RCBTB2: variants seen among roughly 807,000 people sequenced by gnomAD.
The protein encoded by RCBTB2 is RCC1 and BTB domain containing protein 2, also known as RCC1 and BTB domain-containing protein 2.
RCBTB2 carries 55 observed loss-of-function variants against 65.4 expected under a neutral mutation model. The ratio of observed to expected loss-of-function variants is 0.84; its 90% CI spans 0.68 to 1.05. The LOEUF is 1.05. Ranked by LOEUF, RCBTB2 falls within the 50% of genes least tolerant of loss-of-function variation. RCBTB2 has a pLI of 0.00. For synonymous variants in RCBTB2, 220 were observed against 255.2 expected (o/e 0.86, Z 1.31); for missense variants, 599 against 680.1 (o/e 0.88, Z 1.33).
chr13:48,521,355 A>G (rs1028298595), intron 4 of RCBTB2, among the ~76,000 whole-genome samples: 2 of 152,250 alleles, frequency 1.3e-5, no homozygotes, highest in African/African-American at 4.8e-5. Context: ...AATAGCAATA[A>G]GCAGATATTA....
chr13:48,501,950 G>T, intron 11 of RCBTB2, 82 bp from the exon 12 acceptor site: 1 of 1,226,060 alleles, frequency 8.2e-7, no homozygotes, highest in Non-Finnish European at 1.1e-6. Flanking sequence ...TACTCTACTG[G>T]TACTCATGAA....
At chr13:48,521,241 C>T (rs1328267352) in intron 4 of RCBTB2, among the ~76,000 whole-genome samples, 1 of 152,190 alleles carries the variant, frequency 6.6e-6, no homozygotes, top group Non-Finnish European at 1.5e-5. Context: ...GTTTCAAAAG[C>T]TTTGCCATCT....
At chr13:48,529,504 A>T (rs1465299994) in intron 1 of RCBTB2, among the ~76,000 whole-genome samples, 1 of 152,240 alleles carries the variant, frequency 6.6e-6, no homozygotes, top group Non-Finnish European at 1.5e-5. Flanking sequence ...CATCTTCCAT[A>T]GGGAGATATA....
At chr13:48,530,722 T>C (rs939727889) in intron 1 of RCBTB2, among the ~76,000 whole-genome samples, 7 of 152,288 alleles carry the variant, frequency 4.6e-5, no homozygotes, top group Non-Finnish European at 8.8e-5. Flanking sequence ...ACAATTTACA[T>C]AGATGTCTGG....
chr13:48,533,161 C>G (rs907751259), upstream of RCBTB2: 2 of 376,640 alleles, frequency 5.3e-6, no homozygotes, highest in African/African-American at 4.4e-5. Context: ...CTCGGGTGCC[C>G]GGCCGAGACG....
chr13:48,534,904 C>T (rs1952340996), upstream of RCBTB2, among the ~76,000 whole-genome samples: 1 of 152,214 alleles, frequency 6.6e-6, no homozygotes, highest in African/African-American at 2.4e-5. Context: ...AGTTTACCTA[C>T]ATCTGTACCT....
chr13:48,499,142 A>ACACACACACACTCTCT (rs1366425462), intron 13 of RCBTB2, among the ~76,000 whole-genome samples: 8 of 132,384 alleles, frequency 6.0e-5, no homozygotes, highest in African/African-American at 2.0e-4. Flanking sequence ...ACACACACAC[A>ACACACACACACTCTCT]CTCTCTCTCT....
At chr13:48,521,674 G>A (rs1303584943) in intron 4 of RCBTB2, among the ~76,000 whole-genome samples, 1 of 152,124 alleles carries the variant, frequency 6.6e-6, no homozygotes, top group African/African-American at 2.4e-5. Flanking sequence ...ACCATCGCTG[G>A]GAGCCCTTTC....
rs891289461 is a variant in RCBTB2 at position 48,515,257 on chromosome 13, T to C, written c.297A>G (p.Lys99=). Residue 99 remains lysine, a synonymous_variant, in exon 6 of 15, where the codon AAA becomes AAG. Coordinates refer to ENST00000344532, the MANE Select transcript of RCBTB2 (RefSeq NM_001268.4). ...PRRLDSLNGK[K]IACLSYGSGP... is the part of the protein sequence containing the mutation. ...CACTCCCATAGCTGAGGCAGGCTAT[T>C]TTTTTGCCATTTAAAGAATCCAGTC... The C allele has an allele frequency of 6.2e-7, 1 of 1,614,024 alleles. No homozygotes were observed. Among genetic ancestry groups the C allele is most frequent in the African/African-American group, 1.3e-5 (1 of 74,910 alleles).
intron 6 of RCBTB2, among the ~76,000 whole-genome samples, chr13:48,513,517 T>C (rs1365298406): frequency 1.3e-5 from 2 of 152,218 alleles, no homozygotes; most frequent in Non-Finnish European, 2.9e-5. Flanking sequence ...ATCTGTATTT[T>C]CCAGCATGTT....
At chr13:48,518,478 T>A (rs1162429997) in intron 4 of RCBTB2, among the ~76,000 whole-genome samples, 15 of 140,384 alleles carry the variant, frequency 1.1e-4, no homozygotes, top group African/African-American at 3.4e-4. Context: ...AAAAAATATA[T>A]ATATATATAT....
chr13:48,518,238 A>G (rs533419166), intron 4 of RCBTB2, among the ~76,000 whole-genome samples: 1 of 152,262 alleles, frequency 6.6e-6, no homozygotes, highest in South Asian at 2.1e-4. Context: ...CCCTGCTATC[A>G]GCATCACCCT....
upstream of RCBTB2, chr13:48,533,184 G>T (rs929099065): frequency 2.7e-6 from 1 of 364,438 alleles, no homozygotes; most frequent in African/African-American, 2.2e-5. Context: ...AACGAAGGGA[G>T]CGCAGACAAG....
intron 4 of RCBTB2, among the ~76,000 whole-genome samples, 184 bp from the exon 5 acceptor site, chr13:48,515,925 G>C (rs982698518): frequency 1.5e-4 from 23 of 152,226 alleles, no homozygotes; most frequent in African/African-American, 5.5e-4. Flanking sequence ...CACAGCCATC[G>C]AGCAGCGGAG....
chr13:48,496,882 G>C lies in RCBTB2; in HGVS notation c.1385-561C>G, dbSNP rs1010984916. Among the ~76,000 whole-genome samples, 14 of 147,048 alleles carry C rather than the reference G, an allele frequency of 9.5e-5. 1 individual carries two copies. The highest frequency in any genetic ancestry group is 3.7e-4 in the African/African-American group (14 of 38,058). On this transcript the variant is annotated intron_variant, in intron 13 of 14. Transcript: ENST00000344532. ...AGGGGAGACCCTTTCATGGACACGT[G>C]TCTTCCTCCTGTTACCCTATCCCAC...
intron 10 of RCBTB2, among the ~76,000 whole-genome samples, chr13:48,508,683 C>T (rs1214309505): frequency 1.3e-5 from 2 of 152,146 alleles, no homozygotes; most frequent in Non-Finnish European, 2.9e-5. Flanking sequence ...GGATTACAGG[C>T]GTGAGTGCCT....
At chr13:48,501,507 T>C (rs1593633157) in intron 12 of RCBTB2, among the ~76,000 whole-genome samples, 1 of 152,156 alleles carries the variant, frequency 6.6e-6, no homozygotes, top group East Asian at 1.9e-4. Flanking sequence ...GCTGCCAAGG[T>C]GACCACGCCA....
chr13:48,499,823 G>A (rs932866530), intron 12 of RCBTB2, 63 bp from the exon 13 acceptor site: 1 of 1,592,008 alleles, frequency 6.3e-7, no homozygotes, highest in East Asian at 2.2e-5. Flanking sequence ...GCCTCTGTGA[G>A]GACCACGTTC....
At chr13:48,501,376 G>C (rs1420094486) in intron 12 of RCBTB2, among the ~76,000 whole-genome samples, 10 of 152,142 alleles carry the variant, frequency 6.6e-5, no homozygotes, top group Admixed American at 6.5e-4. Context: ...GTGATTATAA[G>C]AAGGTGATTA....
Sources: gnomAD v4.1 joint callset for allele counts (sites outside exome capture counted in the v4.1 genomes callset) on GRCh38, gnomAD v4.1.1 for gene constraint, MANE v1.5 for transcripts, NCBI Gene and HGNC (gene_info 2026-07-23, HGNC 2026-07-21) for gene names.